The following AK7 variants were observed in gnomAD, a reference collection of about 807,000 sequenced individuals.
AK7 encodes ATP-AMP transphosphorylase 7.
AK7 carries 78 observed loss-of-function variants against 96.6 expected under a neutral mutation model. The ratio of observed to expected loss-of-function variants is 0.81; its 90% CI spans 0.67 to 0.97. AK7 has a LOEUF of 0.97. Ranked by LOEUF, AK7 falls within the 50% of genes least tolerant of loss-of-function variation. The pLI is 0.00. For missense variants in AK7, 855 were observed against 887.9 expected (o/e 0.96, Z 0.47); for synonymous variants, 302 against 317.2 (o/e 0.95, Z 0.51).
At chr14:96,438,775 T>A (rs1278658806) in intron 6 of AK7, among the ~76,000 whole-genome samples, 1 of 152,154 alleles carries the variant, frequency 6.6e-6, no homozygotes, top group South Asian at 2.1e-4. Flanking sequence ...GATGTACTAT[T>A]TGGGGCATGG....
chr14:96,404,150 T>TAAAAAAAAAAAAAAAA (rs34091316), intron 2 of AK7, among the ~76,000 whole-genome samples: 1 of 99,774 alleles, frequency 1.0e-5, no homozygotes, highest in Non-Finnish European at 2.0e-5. Flanking sequence ...TGTCTCAAAT[T>TAAAAAAAAAAAAAAAA]AAAAAAAAAA....
chr14:96,453,117 A>G (rs999052262), intron 10 of AK7, among the ~76,000 whole-genome samples: 3 of 152,232 alleles, frequency 2.0e-5, no homozygotes, highest in Non-Finnish European at 4.4e-5. Context: ...TCTTGGAAAA[A>G]AAAACATGTC....
At chr14:96,409,319 C>T (rs933362623) in intron 4 of AK7, among the ~76,000 whole-genome samples, 2 of 152,200 alleles carry the variant, frequency 1.3e-5, no homozygotes, top group Non-Finnish European at 2.9e-5. Flanking sequence ...ATGCCTGTAA[C>T]CCGGCACTTT....
chr14:96,484,684 C>T (rs1194364192), intron 16 of AK7, among the ~76,000 whole-genome samples: 1 of 152,204 alleles, frequency 6.6e-6, no homozygotes, highest in Non-Finnish European at 1.5e-5. Flanking sequence ...ATGTCTACCC[C>T]TCCCCACAAC....
intron 6 of AK7, 22 bp downstream of exon 6, chr14:96,437,937 T>C (rs1892738116): frequency 6.2e-7 from 1 of 1,601,890 alleles, no homozygotes; most frequent in Non-Finnish European, 8.5e-7. Flanking sequence ...AATGATGACG[T>C]GGAATGTTTA....
intron 12 of AK7, among the ~76,000 whole-genome samples, chr14:96,463,692 C>T (rs1595447354): frequency 7.1e-6 from 1 of 140,794 alleles, no homozygotes; most frequent in East Asian, 2.1e-4. Flanking sequence ...TGCACTCCAG[C>T]CTGGGCGACA....
At position 96,483,152 on chromosome 14, in the gene AK7, A is replaced by G; in HGVS notation, c.1907A>G (p.Glu636Gly). The change falls in exon 16 of 18, where the codon GAG becomes GGG. Residue 636 changes from glutamate to glycine, a missense_variant. Coordinates refer to ENST00000267584, the MANE Select transcript of AK7 (RefSeq NM_152327.5). ...AEERLAREAA[E>G]EAEREHQEAV... Reference sequence around the variant, plus strand: ...GAGCGGCTGGCCAGGGAGGCTGCTGAGGAAGCAGAACGCGAGCACCAGGAG... The same window carrying G: ...GAGCGGCTGGCCAGGGAGGCTGCTGGGGAAGCAGAACGCGAGCACCAGGAG... 1 of 1,613,936 alleles carries G rather than the reference A, an allele frequency of 6.2e-7. No homozygotes were observed.
At chr14:96,397,942 T>C (rs902294564) in intron 1 of AK7, 133 bp from the exon 2 acceptor site, 33 of 793,118 alleles carry the variant, frequency 4.2e-5, no homozygotes, top group Non-Finnish European at 6.1e-5. Context: ...GAGATGACAG[T>C]GTGCAAAGCA....
intron 7 of AK7, among the ~76,000 whole-genome samples, chr14:96,444,566 C>T (rs116948772): frequency 0.013 from 2,006 of 152,196 alleles, 24 homozygotes; most frequent in Non-Finnish European, 0.017. Context: ...CCTGACCTTT[C>T]GAGAAAGCCA....
At chr14:96,484,986 C>T (rs1895694342) in intron 16 of AK7, among the ~76,000 whole-genome samples, 1 of 152,286 alleles carries the variant, frequency 6.6e-6, no homozygotes, top group South Asian at 2.1e-4. Flanking sequence ...CTTTGGGTGC[C>T]TGATTAATCT....
intron 12 of AK7, among the ~76,000 whole-genome samples, chr14:96,471,049 T>C (rs1379951834): frequency 2.0e-5 from 3 of 152,130 alleles, no homozygotes; most frequent in Non-Finnish European, 2.9e-5. Context: ...CAAAATCACA[T>C]ATTTTTTACT....
chr14:96,487,640 G>C (rs1224730477), intron 17 of AK7, among the ~76,000 whole-genome samples: 1 of 151,558 alleles, frequency 6.6e-6, no homozygotes, highest in African/African-American at 2.4e-5. Context: ...TGTTGGTCAG[G>C]CTGGTCTTGA....
chr14:96,451,767 A>G (rs1431235001), intron 10 of AK7, among the ~76,000 whole-genome samples, 197 bp downstream of exon 10: 1 of 152,196 alleles, frequency 6.6e-6, no homozygotes, highest in African/African-American at 2.4e-5. Context: ...CCAAACATGA[A>G]CAGTTTTAAA....
intron 10 of AK7, among the ~76,000 whole-genome samples, chr14:96,456,075 C>T (rs1328747604): frequency 6.6e-6 from 1 of 151,796 alleles, no homozygotes; most frequent in Non-Finnish European, 1.5e-5. Context: ...CCCGTCTCTA[C>T]AAAAAATACA....
intron 12 of AK7, among the ~76,000 whole-genome samples, chr14:96,468,239 G>T (rs1235524642): frequency 6.8e-6 from 1 of 147,360 alleles, no homozygotes; most frequent in African/African-American, 2.5e-5. Context: ...ACAGAAAGAA[G>T]GGTGATCTCT....
chr14:96,410,637 T>A (rs1204460706), intron 4 of AK7, among the ~76,000 whole-genome samples: 1 of 152,194 alleles, frequency 6.6e-6, no homozygotes, highest in Non-Finnish European at 1.5e-5. Flanking sequence ...CATGCCCTCA[T>A]CCTGTCACTG....
chr14:96,481,704 C>CT (rs574599095), intron 15 of AK7, among the ~76,000 whole-genome samples: 10,205 of 133,000 alleles, frequency 0.077, 673 homozygotes, highest in African/African-American at 0.18. Flanking sequence ...TGACTTTTAC[C>CT]TTTTTTTTTT....
chr14:96,471,339 A>T (rs1894872213), intron 12 of AK7, 139 bp from the exon 13 acceptor site: 1 of 426,098 alleles, frequency 2.3e-6, no homozygotes, highest in African/African-American at 2.1e-5. Context: ...TCTTTAAAAA[A>T]AAAAAAAAAA....
At chr14:96,442,017 A>G (rs1332697100) in intron 6 of AK7, among the ~76,000 whole-genome samples, 1 of 152,172 alleles carries the variant, frequency 6.6e-6, no homozygotes, top group Non-Finnish European at 1.5e-5. Context: ...TGAAAGTCCA[A>G]AATATCTTAC....
Sources: allele counts gnomAD v4.1 joint callset (sites outside exome capture counted in the v4.1 genomes callset), GRCh38; gene constraint gnomAD v4.1.1; transcripts MANE v1.5; gene names NCBI Gene and HGNC (gene_info 2026-07-23, HGNC 2026-07-21).